Variants in A2ML1 observed in about 807,000 individuals in gnomAD.
A2ML1 encodes the protein alpha-2-macroglobulin-like protein 1.
In A2ML1, 161 loss-of-function variants were observed where a neutral mutation model predicts 181.9. The ratio of observed to expected loss-of-function variants is 0.89; its 90% CI spans 0.78 to 1.01. The LOEUF is 1.01. Ranked by LOEUF, A2ML1 falls within the 50% of genes least tolerant of loss-of-function variation. The probability of loss-of-function intolerance (pLI) is 0.00; values close to 1 mark genes in which losing one functional copy is unlikely to be tolerated. For missense variants in A2ML1, 1,670 were observed against 1,768.1 expected (o/e 0.94, Z 1.00); for synonymous variants, 663 against 666.8 (o/e 0.99, Z 0.09).
chr12:8,829,610 G>C, intron 3 of A2ML1, 117 bp from the exon 4 acceptor site: 1 of 960,108 alleles, frequency 1.0e-6, no homozygotes, highest in South Asian at 1.6e-5. Context: ...AGCCACGGTT[G>C]TGCCACTGCA....
intron 8 of A2ML1, 128 bp from the exon 9 acceptor site, chr12:8,838,208 A>G (rs1418422217): frequency 3.6e-5 from 21 of 589,056 alleles, no homozygotes; most frequent in Non-Finnish European, 6.3e-5. Flanking sequence ...GTTGTAGGAG[A>G]GTTTTTCTAT....
At position 8,852,203 on chromosome 12, in the gene A2ML1, T is replaced by G. The variant is rs1364193418; in HGVS notation, c.2464-7T>G. 1.2e-6 allele frequency: 2 copies of G among 1,614,032 alleles called. No homozygotes were observed. Among genetic ancestry groups the G allele is most frequent in the South Asian group, 2.2e-5 (2 of 91,068 alleles). ...TGTACCCTTTGTCTCTTAAACATCCTCCGTAGGTTCAGACTGACCTGGCTA... is the reference window on the plus strand; with the variant it reads ...TGTACCCTTTGTCTCTTAAACATCCGCCGTAGGTTCAGACTGACCTGGCTA... On this transcript the variant is annotated splice_region_variant and splice_polypyrimidine_tract_variant and intron_variant, in intron 19 of 35. Transcript: ENST00000299698. This position sits in a 1 kb window ranked among gnomAD's most constrained non-coding sequence, Gnocchi z 4.2.
intron 3 of A2ML1, among the ~76,000 whole-genome samples, chr12:8,828,298 G>A (rs919545219): frequency 6.6e-6 from 1 of 152,152 alleles, no homozygotes; most frequent in Non-Finnish European, 1.5e-5. Context: ...TACTGCAGCT[G>A]AGTTGGCACC....
intron 33 of A2ML1, among the ~76,000 whole-genome samples, chr12:8,873,210 G>A (rs991058298): frequency 3.3e-5 from 5 of 151,388 alleles, no homozygotes; most frequent in South Asian, 4.2e-4. Flanking sequence ...CCAATTAGGC[G>A]TTAATAGCGC....
chr12:8,861,381 A>C, intron 28 of A2ML1, 84 bp downstream of exon 28: 1 of 1,446,260 alleles, frequency 6.9e-7, no homozygotes, highest in Non-Finnish European at 9.5e-7. Flanking sequence ...CCTCTGTCCC[A>C]CACATGTACT....
At chr12:8,833,052 C>T (rs1943167782) in intron 4 of A2ML1, among the ~76,000 whole-genome samples, 2 of 148,722 alleles carry the variant, frequency 1.3e-5, no homozygotes, top group Admixed American at 6.9e-5. Context: ...CAGCTCACTG[C>T]AACCTCCCCC....
chr12:8,878,408 A>G (rs1287436369), downstream of A2ML1, among the ~76,000 whole-genome samples: 1 of 152,216 alleles, frequency 6.6e-6, no homozygotes, highest in East Asian at 1.9e-4. This position sits in a 1 kb window ranked among gnomAD's most constrained non-coding sequence, Gnocchi z 4.4. Flanking sequence ...ACAGAAAACC[A>G]AATACTGCAT....
At chr12:8,823,644 C>A in intron 2 of A2ML1, 76 bp from the exon 3 acceptor site, 1 of 1,491,414 alleles carries the variant, frequency 6.7e-7, no homozygotes, top group Non-Finnish European at 9.1e-7. Flanking sequence ...TCCTTTAACT[C>A]ACTGTTGGGT....
intron 32 of A2ML1, 126 bp downstream of exon 32, chr12:8,868,753 C>A: frequency 1.5e-6 from 1 of 688,592 alleles, no homozygotes; most frequent in Non-Finnish European, 2.4e-6. Flanking sequence ...TATATACATA[C>A]ATATATATGT....
At chr12:8,856,787 A>G (rs1452752614) in intron 23 of A2ML1, among the ~76,000 whole-genome samples, 1 of 152,048 alleles carries the variant, frequency 6.6e-6, no homozygotes, top group African/African-American at 2.4e-5. Context: ...AAAATTGTTT[A>G]TAATGAATAA....
Position 8,834,266 on chromosome 12 carries a change from G to A in A2ML1, c.463-396G>A, listed in dbSNP as rs73036999. On this transcript the variant is annotated intron_variant, in intron 4 of 35. Coordinates refer to ENST00000299698, the MANE Select transcript of A2ML1 (RefSeq NM_144670.6). The stretch of plus-strand genomic sequence containing the variant: ...CACAAGCATTCAGATGGTAAAGGAA[G>A]AAGCCAGGAGATGGTTGGCTACCAA... Among the ~76,000 whole-genome samples, 919 of 152,314 alleles carry A rather than the reference G, an allele frequency of 6.0e-3. 2 individuals carry two copies. The highest frequency in any genetic ancestry group is 8.0e-3 in the Non-Finnish European group (545 of 68,032).
chr12:8,847,091 T>C (rs1175833694), intron 14 of A2ML1, among the ~76,000 whole-genome samples: 3 of 145,454 alleles, frequency 2.1e-5, no homozygotes, highest in Non-Finnish European at 4.5e-5. Context: ...TGCACCACCA[T>C]GCCTGGCTTT....
chr12:8,863,879 C>A lies in A2ML1; in HGVS notation c.3588C>A (p.Leu1196=). 6.2e-7 allele frequency: 1 copy of A among 1,614,206 alleles called. No individual in the cohort carries two copies. The highest frequency in any genetic ancestry group is 1.1e-5 in the South Asian group (1 of 91,080). Residue 1196 remains leucine (L), a synonymous_variant, in exon 29 of 36, where the codon CTC becomes CTA. Transcript: ENST00000299698. Reference sequence around the variant, plus strand: ...AGCCTGCGGCTGTAGATGTGGAACTCACAGCATATGCATTGTTGGCCCAGC... The same window carrying A: ...AGCCTGCGGCTGTAGATGTGGAACTAACAGCATATGCATTGTTGGCCCAGC... The part of the protein sequence containing the change: ...WSEPAAVDVE[L]TAYALLAQLT...
Position 8,848,797 on chromosome 12 carries a change from C to T in A2ML1, c.1911C>T (p.Gly637=). The part of the protein sequence containing the change: ...VAEYDQCPVS[G]PWDFPQPLID... The stretch of plus-strand genomic sequence containing the variant: ...AGTATGATCAGTGTCCAGTGTCTGG[C>T]CCATGGGACTTTCCTCAGCCCCTCA... Residue 637 remains glycine, a synonymous_variant, in exon 16 of 36, where the codon GGC becomes GGT. Coordinates refer to ENST00000299698, the MANE Select transcript of A2ML1 (RefSeq NM_144670.6). The T allele has an allele frequency of 1.2e-6, 2 of 1,614,142 alleles. No individual in the cohort carries two copies. Among genetic ancestry groups the T allele is most frequent in the Non-Finnish European group, 1.7e-6 (2 of 1,180,018 alleles).
In A2ML1 at chr12:8,846,066, T is replaced by C. The variant is rs2136836527; in HGVS notation, c.1538-11T>C. ...TTCTGATTTTCCTGTATATTCCCTC[T>C]TCTCTTTCAGGACTGAAAGCCTCCT... On this transcript the variant is annotated splice_polypyrimidine_tract_variant and intron_variant, in intron 13 of 35. Coordinates refer to ENST00000299698, the MANE Select transcript of A2ML1 (RefSeq NM_144670.6). The C allele has an allele frequency of 2.5e-6, 4 of 1,614,026 alleles. No homozygotes were observed. Among genetic ancestry groups the C allele is most frequent in the Non-Finnish European group, 2.5e-6 (3 of 1,179,948 alleles).
intron 10 of A2ML1, among the ~76,000 whole-genome samples, chr12:8,840,935 A>G (rs1486964558): frequency 6.2e-4 from 83 of 133,624 alleles, no homozygotes; most frequent in Admixed American, 2.9e-3. Flanking sequence ...AGGAAGGAAG[A>G]AAGGAAGGAA....
chr12:8,837,596 T>C (rs1299760940), intron 8 of A2ML1, 30 bp downstream of exon 8: 2 of 1,597,330 alleles, frequency 1.3e-6, no homozygotes, highest in South Asian at 2.2e-5. Flanking sequence ...AAAAGGAACC[T>C]ATCGGCCAGG....
At chr12:8,861,708 C>T (rs1198203432) in intron 28 of A2ML1, among the ~76,000 whole-genome samples, 9 of 151,788 alleles carry the variant, frequency 5.9e-5, no homozygotes, top group East Asian at 1.9e-4. Context: ...AGGATGGTCT[C>T]GATCTCCTGA....
At position 8,861,214 on chromosome 12, in the gene A2ML1, TG is replaced by T. The variant is rs1944249968; in HGVS notation, c.3421del (p.Ala1141LeufsTer20). On this transcript the variant is annotated frameshift_variant, in exon 28 of 36. Coordinates refer to ENST00000299698, the MANE Select transcript of A2ML1 (RefSeq NM_144670.6). LOFTEE classifies it high-confidence loss of function. ...ACCAACCTCTACACACAGGCCCTGT[TG>T]GCTTACATTTTCTCCCTGGCTGGGG... ...STTNLYTQAL[L>X]AYIFSLAGEM... 1 of 1,614,164 alleles carries T rather than the reference TG, an allele frequency of 6.2e-7. No homozygotes were observed. Among genetic ancestry groups the T allele is most frequent in the East Asian group, 2.2e-5 (1 of 44,882 alleles).
Sources: allele counts gnomAD v4.1 joint callset (sites outside exome capture counted in the v4.1 genomes callset), GRCh38; gene constraint gnomAD v4.1.1; non-coding constraint Gnocchi (gnomAD v3.1); transcripts MANE v1.5; gene names NCBI Gene and HGNC (gene_info 2026-07-23, HGNC 2026-07-21).